The following TMPRSS11F variants were observed in gnomAD, a reference collection of about 807,000 sequenced individuals.
The protein encoded by TMPRSS11F is transmembrane protease serine 11F.
A neutral mutation model predicts 60.2 loss-of-function variants in TMPRSS11F; 47 were observed. That is an observed-to-expected ratio of 0.78 (90% CI 0.62 to 1.00). The LOEUF (loss-of-function observed/expected upper bound fraction) is 1.00, where lower values mean the gene tolerates loss of function less well. Ranked by LOEUF, TMPRSS11F falls within the 50% of genes least tolerant of loss-of-function variation. The probability of loss-of-function intolerance (pLI) is 0.00; values close to 1 mark genes in which losing one functional copy is unlikely to be tolerated. For missense variants in TMPRSS11F, 519 were observed against 522.9 expected, an observed-to-expected ratio of 0.99 and a Z score of 0.07; for synonymous variants, 166 against 167.3, an observed-to-expected ratio of 0.99 and a Z score of 0.06.
At chr4:68,099,662 A>G (rs1289508324) in intron 1 of TMPRSS11F, among the ~76,000 whole-genome samples, 1 of 152,196 alleles carries the variant, frequency 6.6e-6, no homozygotes, top group Non-Finnish European at 1.5e-5. Flanking sequence ...CAATATTGTG[A>G]TATCTTTCAA....
intron 3 of TMPRSS11F, 80 bp from the exon 4 acceptor site, chr4:68,074,089 C>T: frequency 1.1e-6 from 1 of 885,092 alleles, no homozygotes; most frequent in African/African-American, 1.7e-5. Flanking sequence ...AAGTATTAGT[C>T]TTAAGAAAAG....
At chr4:68,080,891 A>G (rs565619030) in intron 3 of TMPRSS11F, 21 of 152,318 alleles carry the variant, frequency 1.4e-4, no homozygotes, top group Non-Finnish European at 1.3e-4. Context: ...AAGTTCTGTC[A>G]TCACACATCC....
intron 3 of TMPRSS11F, among the ~76,000 whole-genome samples, chr4:68,079,322 C>T (rs1455871317): frequency 2.6e-5 from 4 of 151,900 alleles, no homozygotes; most frequent in South Asian, 2.1e-4. Flanking sequence ...TTGTGTTAAG[C>T]GCATTAAGTG....
intron 7 of TMPRSS11F, among the ~76,000 whole-genome samples, chr4:68,066,214 A>C (rs1723326010): frequency 6.6e-6 from 1 of 152,110 alleles, no homozygotes; most frequent in South Asian, 2.1e-4. Context: ...CAAACCTGAA[A>C]TCTTAGGACT....
intron 1 of TMPRSS11F, among the ~76,000 whole-genome samples, chr4:68,119,277 A>G (rs1724579936): frequency 6.6e-6 from 1 of 152,098 alleles, no homozygotes; most frequent in African/African-American, 2.4e-5. Context: ...CATGAGATTT[A>G]AGGAAAGAAA....
chr4:68,082,898 C>G (rs1723735648), intron 3 of TMPRSS11F, among the ~76,000 whole-genome samples: 1 of 151,854 alleles, frequency 6.6e-6, no homozygotes, highest in African/African-American at 2.4e-5. Flanking sequence ...AAAGAAGCAC[C>G]ACAGCTCTGG....
intron 1 of TMPRSS11F, 83 bp downstream of exon 1, chr4:68,129,727 G>T (rs1392077091): frequency 1.6e-6 from 2 of 1,257,542 alleles, no homozygotes; most frequent in Admixed American, 1.7e-5. Context: ...ATCTCCACCA[G>T]CCAACATCTG....
chr4:68,121,117 C>T (rs990613047), intron 1 of TMPRSS11F, among the ~76,000 whole-genome samples: 3 of 152,208 alleles, frequency 2.0e-5, no homozygotes, highest in African/African-American at 7.2e-5. Flanking sequence ...ACCCAGTTGG[C>T]TGGATCCATA....
chr4:68,121,222 C>A (rs1045730338), intron 1 of TMPRSS11F, among the ~76,000 whole-genome samples: 1 of 152,060 alleles, frequency 6.6e-6, no homozygotes, highest in African/African-American at 2.4e-5. Context: ...TTGTTTCAAC[C>A]AAAATAATTT....
At chr4:68,100,268 C>T (rs1042428219) in intron 1 of TMPRSS11F, among the ~76,000 whole-genome samples, 1 of 152,008 alleles carries the variant, frequency 6.6e-6, no homozygotes, top group Admixed American at 6.6e-5. Context: ...AGTCTCATAA[C>T]CCAAAGTAAG....
intron 2 of TMPRSS11F, among the ~76,000 whole-genome samples, chr4:68,094,112 C>A (rs1223285386): frequency 8.0e-6 from 1 of 124,848 alleles, no homozygotes; most frequent in Non-Finnish European, 1.8e-5. Flanking sequence ...ATGTTTATTG[C>A]GGCATTATTC....
At position 68,117,507 on chromosome 4, in the gene TMPRSS11F, C is replaced by T. The variant is rs569567131; in HGVS notation, c.11+12303G>A. Among the ~76,000 whole-genome samples the T allele has an allele frequency of 4.8e-5, 7 of 146,588 alleles. No homozygotes were observed. The East Asian group carries it at 9.9e-4, about 21-fold the overall frequency. The stretch of plus-strand genomic sequence containing the variant: ...AAAAAAAAAAAAAATGGACAAATGA[C>T]CTGAATAGACATTCCATCAAAGAAG... On this transcript the variant is annotated intron_variant, in intron 1 of 9. Transcript: ENST00000356291.
intron 5 of TMPRSS11F, among the ~76,000 whole-genome samples, chr4:68,071,591 A>C (rs1723465036): frequency 6.6e-6 from 1 of 152,208 alleles, no homozygotes; most frequent in Non-Finnish European, 1.5e-5. Context: ...TTAAAATTTT[A>C]TTTGAAACGC....
intron 4 of TMPRSS11F, among the ~76,000 whole-genome samples, chr4:68,073,062 T>C (rs1006236861): frequency 6.6e-6 from 1 of 152,142 alleles, no homozygotes; most frequent in African/African-American, 2.4e-5. Flanking sequence ...AAACCTCTCA[T>C]GGCATTTTCC....
chr4:68,101,858 C>T (rs1173091767), intron 1 of TMPRSS11F, among the ~76,000 whole-genome samples: 3 of 151,994 alleles, frequency 2.0e-5, no homozygotes, highest in Non-Finnish European at 4.4e-5. Flanking sequence ...CAGCTAAAAT[C>T]TACTCATTTA....
At position 68,115,076 on chromosome 4, in the gene TMPRSS11F, G is replaced by A. The variant is rs1357979763; in HGVS notation, c.11+14734C>T. Among the ~76,000 whole-genome samples the A allele has an allele frequency of 7.9e-5, 12 of 150,980 alleles. 1 individual carries two copies. The highest frequency in any genetic ancestry group is 1.7e-4 in the African/African-American group (7 of 41,244). ...TAGAAGAAAAGTTTCCCGGCCGGGC[G>A]CAGTGGCTCACGCCTGTAATCCCAG... is the stretch of plus-strand genomic sequence containing the variant. On this transcript the variant is annotated intron_variant, in intron 1 of 9. Coordinates refer to ENST00000356291, the MANE Select transcript of TMPRSS11F (RefSeq NM_207407.2).
intron 1 of TMPRSS11F, among the ~76,000 whole-genome samples, chr4:68,122,178 C>T (rs537764104): frequency 6.6e-6 from 1 of 152,098 alleles, no homozygotes; most frequent in African/African-American, 2.4e-5. Flanking sequence ...AACTGTTGAG[C>T]TTTAAAAGAA....
intron 3 of TMPRSS11F, among the ~76,000 whole-genome samples, chr4:68,086,151 T>TA (rs560611417): frequency 3.3e-4 from 50 of 151,426 alleles, no homozygotes; most frequent in East Asian, 2.1e-3. Context: ...CTGAATAAAT[T>TA]AAAAAAAAAT....
At chr4:68,117,605 C>T (rs977130225) in intron 1 of TMPRSS11F, among the ~76,000 whole-genome samples, 1 of 149,872 alleles carries the variant, frequency 6.7e-6, no homozygotes, top group Non-Finnish European at 1.5e-5. Flanking sequence ...CAAGTCAAAA[C>T]AACAATGAGA....
Sources: allele counts gnomAD v4.1 joint callset (sites outside exome capture counted in the v4.1 genomes callset), GRCh38; gene constraint gnomAD v4.1.1; transcripts MANE v1.5; gene names NCBI Gene and HGNC (gene_info 2026-07-23, HGNC 2026-07-21).